FUCA2: variants seen among roughly 807,000 people sequenced by gnomAD.
The protein encoded by FUCA2 is alpha-L-fucosidase 2.
In FUCA2, 41 loss-of-function variants were observed where a neutral mutation model predicts 52.6. The ratio of observed to expected loss-of-function variants is 0.78; its 90% CI spans 0.61 to 1.01. FUCA2 has a LOEUF of 1.01. Ranked by LOEUF, FUCA2 falls within the 50% of genes least tolerant of loss-of-function variation. The probability of loss-of-function intolerance (pLI) is 0.00; values close to 1 mark genes in which losing one functional copy is unlikely to be tolerated. For missense variants in FUCA2, 507 were observed against 569.5 expected, an observed-to-expected ratio of 0.89 and a Z score of 1.12; for synonymous variants, 211 against 217.3, an observed-to-expected ratio of 0.97 and a Z score of 0.26.
chr6:143,497,264 G>A lies in FUCA2; in HGVS notation c.1263+125C>T. 1.5e-6 allele frequency: 1 copy of A among 670,840 alleles called. No homozygotes were observed. The highest frequency in any genetic ancestry group is 2.3e-5 in the Admixed American group (1 of 43,154). 41.6% of individuals were successfully genotyped at this position (670,840 alleles called of 1,614,324 possible). A position where few individuals can be genotyped will look rare whatever the true frequency, so the allele number is the denominator to read the frequency against. On this transcript the variant is annotated intron_variant, in intron 6 of 6. Transcript: ENST00000002165. This position sits in a 1 kb window ranked among gnomAD's most constrained non-coding sequence, Gnocchi z 5.3. ...GTGTGAGCCACAATGCTTGGCTGGA[G>A]CTCATTTACAATTCCTTTTATGAAG...
rs745355753 is a variant in FUCA2 at position 143,502,526 on chromosome 6, T to C, written c.792A>G (p.Gly264=). 1.2e-6 allele frequency: 2 copies of C among 1,614,098 alleles called. No homozygotes were observed. The highest frequency in any genetic ancestry group is 2.2e-5 in the South Asian group (2 of 91,076). Reference sequence around the variant, plus strand: ...CACCATGCTTACAGATGCTACCAGCTCCCCAACGATCATTGGTGACTACTG... The same window carrying C: ...CACCATGCTTACAGATGCTACCAGCCCCCCAACGATCATTGGTGACTACTG... ...RGTVVTNDRW[G]AGSICKHGGF... is the part of the protein sequence containing the mutation. Residue 264 remains glycine, a synonymous_variant, in exon 4 of 7, where the codon GGA becomes GGG. Coordinates refer to ENST00000002165, the MANE Select transcript of FUCA2 (RefSeq NM_032020.5). This position sits in a 1 kb window ranked among gnomAD's most constrained non-coding sequence, Gnocchi z 4.1.
chr6:143,497,388 C>A lies in FUCA2; in HGVS notation c.1263+1G>T, dbSNP rs777994840. ...AGGAATAAGGTAAAATTCCCTCTTA[C>A]CTCTGTTGCCCCCAGAATAGCTTTG... On this transcript the variant is annotated splice_donor_variant, in intron 6 of 6. Coordinates refer to ENST00000002165, the MANE Select transcript of FUCA2 (RefSeq NM_032020.5). LOFTEE classifies it high-confidence loss of function. This position sits in a 1 kb window ranked among gnomAD's most constrained non-coding sequence, Gnocchi z 5.3. 1.9e-6 allele frequency: 3 copies of A among 1,596,552 alleles called. No homozygotes were observed. The highest frequency in any genetic ancestry group is 2.6e-6 in the Non-Finnish European group (3 of 1,164,120).
chr6:143,511,718 C>A lies in FUCA2; in HGVS notation c.-84G>T. On this transcript the variant is annotated 5_prime_UTR_variant, in exon 1 of 7. Transcript: ENST00000002165. The surrounding 1 kb of genome is among the most constrained non-coding windows in gnomAD (Gnocchi z 6.3). ...CTTCCGTCTCTGCCGCTGAGTATGC[C>A]GCGCCGCGGTCACCTGACCAAGTCG... 1 of 1,296,634 alleles carries A rather than the reference C, an allele frequency of 7.7e-7. No homozygotes were observed. The highest frequency in any genetic ancestry group is 1.6e-5 in the South Asian group (1 of 63,016). The allele number at this position is 1,296,634 out of a possible 1,614,324, so 80.3% of individuals were successfully genotyped here. A position where few individuals can be genotyped will look rare whatever the true frequency, so the allele number is the denominator to read the frequency against.
chr6:143,499,392 A>T lies in FUCA2; in HGVS notation c.1155-1895T>A, dbSNP rs1019512779. ...AACATGGTGAAACCCCATCTCTACT[A>T]AAAATACAAAAAAATTAGCCAGGCT... On this transcript the variant is annotated intron_variant, in intron 5 of 6. Transcript: ENST00000002165. This position sits in a 1 kb window ranked among gnomAD's most constrained non-coding sequence, Gnocchi z 6.0. Among the ~76,000 whole-genome samples the T allele has an allele frequency of 2.7e-4, 41 of 152,168 alleles. No individual in the cohort carries two copies. The highest frequency in any genetic ancestry group is 9.7e-4 in the African/African-American group (40 of 41,438).
chr6:143,502,847 C>G lies in FUCA2; in HGVS notation c.753-282G>C, dbSNP rs145120491. The stretch of plus-strand genomic sequence containing the variant: ...AAAAATAAGTTATGTAAAACATTAG[C>G]CTGGTACCCAGCACATATAGCACTC... On this transcript the variant is annotated intron_variant, in intron 3 of 6. Transcript: ENST00000002165. This position sits in a 1 kb window ranked among gnomAD's most constrained non-coding sequence, Gnocchi z 4.1. 391 of 336,740 alleles carry G rather than the reference C, an allele frequency of 1.2e-3. 2 individuals are homozygous for G. Among genetic ancestry groups the G allele is most frequent in the African/African-American group, 7.6e-3 (367 of 48,122 alleles). 20.9% of individuals were successfully genotyped at this position (336,740 alleles called of 1,614,324 possible). A position where few individuals can be genotyped will look rare whatever the true frequency, so the allele number is the denominator to read the frequency against.
At chr6:143,496,542 T>G (rs1200438498) in intron 6 of FUCA2, 1 of 152,250 alleles carries the variant, frequency 6.6e-6, no homozygotes, top group East Asian at 1.9e-4. Context: ...AGAAATGAAA[T>G]GCAGAAAAGT....
chr6:143,497,344 G>A lies in FUCA2; in HGVS notation c.1263+45C>T. On this transcript the variant is annotated intron_variant, in intron 6 of 6. Transcript: ENST00000002165. The surrounding 1 kb of genome is among the most constrained non-coding windows in gnomAD (Gnocchi z 5.3). Reference sequence around the variant, plus strand: ...TAAAAGTTAATGTTTGCATCAAGATGTTCTAATCAGCAATTTAAAGGAATA... The same window carrying A: ...TAAAAGTTAATGTTTGCATCAAGATATTCTAATCAGCAATTTAAAGGAATA... 8.4e-7 allele frequency: 1 copy of A among 1,195,392 alleles called. No individual in the cohort carries two copies. 74.0% of individuals were successfully genotyped at this position (1,195,392 alleles called of 1,614,324 possible).
rs770304902 is a variant in FUCA2, at chr6:143,511,435, G to C, written c.200C>G (p.Pro67Arg). The C allele has an allele frequency of 3.1e-6, 5 of 1,611,828 alleles. No homozygotes were observed. Among genetic ancestry groups the C allele is most frequent in the Non-Finnish European group, 4.2e-6 (5 of 1,178,902 alleles). ...CCAGAACCACTCGCTACCGAAGCTG[G>C]GCACGGAAAACACTCCCCAGTGGAT... ...IFIHWGVFSV[P>R]SFGSEWFWWY... The change falls in exon 1 of 7, where the codon CCC (proline) becomes CGC (arginine). Residue 67 changes from proline to arginine, a missense_variant. Transcript: ENST00000002165. The surrounding 1 kb of genome is among the most constrained non-coding windows in gnomAD (Gnocchi z 6.3).
At position 143,499,498 on chromosome 6, in the gene FUCA2, G is replaced by A. The variant is rs868452011; in HGVS notation, c.1155-2001C>T. Reference sequence around the variant, plus strand: ...TTGAACCTGGGAGGTGGAGGTTGCCGTGAGCCAAGATCGCACCAGTGCACT... The same window carrying A: ...TTGAACCTGGGAGGTGGAGGTTGCCATGAGCCAAGATCGCACCAGTGCACT... On this transcript the variant is annotated intron_variant, in intron 5 of 6. Transcript: ENST00000002165. This position sits in a 1 kb window ranked among gnomAD's most constrained non-coding sequence, Gnocchi z 6.0. Among the ~76,000 whole-genome samples, 13 of 152,276 alleles carry A rather than the reference G, an allele frequency of 8.5e-5. No individual in the cohort carries two copies. Among genetic ancestry groups the A allele is most frequent in the Admixed American group, 4.6e-4 (7 of 15,282 alleles).
rs1363159790 is a variant in FUCA2 at position 143,497,651 on chromosome 6, A to T, written c.1155-154T>A. ...AGGAAAAATAGCCTCATGGTGGTAT[A>T]AAAAAACACCTTCCTCCCCCAAGAC... On this transcript the variant is annotated intron_variant, in intron 5 of 6. Coordinates refer to ENST00000002165, the MANE Select transcript of FUCA2 (RefSeq NM_032020.5). This position sits in a 1 kb window ranked among gnomAD's most constrained non-coding sequence, Gnocchi z 5.3. 6.6e-6 allele frequency among the ~76,000 whole-genome samples: 1 copy of T among 152,146 alleles called. No individual in the cohort carries two copies.
Position 143,511,709 on chromosome 6 carries a change from T to G in FUCA2, c.-75A>C. 7.5e-7 allele frequency: 1 copy of G among 1,327,334 alleles called. No homozygotes were observed. The highest frequency in any genetic ancestry group is 9.9e-7 in the Non-Finnish European group (1 of 1,005,892). The allele number at this position is 1,327,334 out of a possible 1,614,324, so 82.2% of individuals were successfully genotyped here. On this transcript the variant is annotated 5_prime_UTR_variant, in exon 1 of 7. Transcript: ENST00000002165. This position sits in a 1 kb window ranked among gnomAD's most constrained non-coding sequence, Gnocchi z 6.3. ...AGCGCTGTTCTTCCGTCTCTGCCGC[T>G]GAGTATGCCGCGCCGCGGTCACCTG...
chr6:143,499,872 C>T lies in FUCA2; in HGVS notation c.1154+2060G>A, dbSNP rs1389042031. Among the ~76,000 whole-genome samples, 3 of 151,986 alleles carry T rather than the reference C, an allele frequency of 2.0e-5. No homozygotes were observed. Among genetic ancestry groups the T allele is most frequent in the East Asian group, 1.9e-4 (1 of 5,194 alleles). ...GCAAGTGAAAACAATCCTTTCAAGA[C>T]GTTTTACTACAAAGGAAAGGAGAGA... On this transcript the variant is annotated intron_variant, in intron 5 of 6. Transcript: ENST00000002165. This position sits in a 1 kb window ranked among gnomAD's most constrained non-coding sequence, Gnocchi z 6.0.
In FUCA2 at chr6:143,499,817, G is replaced by A. The variant is rs1194295192; in HGVS notation, c.1154+2115C>T. On this transcript the variant is annotated intron_variant, in intron 5 of 6. Coordinates refer to ENST00000002165, the MANE Select transcript of FUCA2 (RefSeq NM_032020.5). This position sits in a 1 kb window ranked among gnomAD's most constrained non-coding sequence, Gnocchi z 6.0. ...GGAAGCTCGACCAGAGGGGGTTCAA[G>A]AGAAAAACTGTAGCAAGGAATTAGA... 1.3e-5 allele frequency among the ~76,000 whole-genome samples: 2 copies of A among 152,016 alleles called. No homozygotes were observed. The highest frequency in any genetic ancestry group is 2.9e-5 in the Non-Finnish European group (2 of 68,018).
intron 6 of FUCA2, chr6:143,496,954 T>A (rs1780468587): frequency 2.0e-5 from 3 of 152,798 alleles, no homozygotes; most frequent in Admixed American, 6.5e-5. Context: ...CCAAACACTG[T>A]CATTGGTGAA....
In FUCA2 at chr6:143,511,620, C is replaced by A; in HGVS notation, c.15G>T (p.Glu5Asp). Residue 5 changes from glutamate to aspartate, a missense_variant, in exon 1 of 7, where the codon GAG becomes GAT. Physicochemically the swap from Glu to Asp is conservative, Grantham distance 45. Transcript: ENST00000002165. The surrounding 1 kb of genome is among the most constrained non-coding windows in gnomAD (Gnocchi z 6.3). MRPQ[E>D]LPRLAFPLLL... is the part of the protein sequence containing the mutation. ...GCAACGGGAACGCGAGCCTGGGGAGCTCCTGGGGCCGCATGTCCCGGCGCA... is the reference window on the plus strand; with the variant it reads ...GCAACGGGAACGCGAGCCTGGGGAGATCCTGGGGCCGCATGTCCCGGCGCA... The A allele has an allele frequency of 6.5e-7, 1 of 1,528,820 alleles. No individual in the cohort carries two copies. The highest frequency in any genetic ancestry group is 8.8e-7 in the Non-Finnish European group (1 of 1,137,136). The allele number at this position is 1,528,820 out of a possible 1,614,324, so 94.7% of individuals were successfully genotyped here.
rs1780657774 is a variant in FUCA2 at position 143,509,672 on chromosome 6, T to C, written c.224+1739A>G. On this transcript the variant is annotated intron_variant, in intron 1 of 6. Transcript: ENST00000002165. The surrounding 1 kb of genome is among the most constrained non-coding windows in gnomAD (Gnocchi z 5.4). The stretch of plus-strand genomic sequence containing the variant: ...AAATATTTCCAAAACAAGCTCAAGA[T>C]TCCTTACAGCCCAAAACATGCAAAT... Among the ~76,000 whole-genome samples the C allele has an allele frequency of 6.6e-6, 1 of 152,194 alleles. No individual in the cohort carries two copies. The highest frequency in any genetic ancestry group is 1.9e-4 in the East Asian group (1 of 5,202).
chr6:143,510,012 G>C lies in FUCA2; in HGVS notation c.224+1399C>G, dbSNP rs1045966271. Among the ~76,000 whole-genome samples the C allele has an allele frequency of 1.3e-5, 2 of 152,146 alleles. No homozygotes were observed. Among genetic ancestry groups the C allele is most frequent in the Non-Finnish European group, 2.9e-5 (2 of 68,020 alleles). On this transcript the variant is annotated intron_variant, in intron 1 of 6. Transcript: ENST00000002165. The surrounding 1 kb of genome is among the most constrained non-coding windows in gnomAD (Gnocchi z 4.4). ...AGAAGATGAAATTCCAGTATGAAAGGCACTCTGTACTAGAAGGAAAGGCAA... is the reference window on the plus strand; with the variant it reads ...AGAAGATGAAATTCCAGTATGAAAGCCACTCTGTACTAGAAGGAAAGGCAA...
In FUCA2 at chr6:143,504,112, C is replaced by T. The variant is rs1429109582; in HGVS notation, c.553G>A (p.Glu185Lys). 5.0e-6 allele frequency: 8 copies of T among 1,613,852 alleles called. No homozygotes were observed. In the Admixed American group the frequency reaches 1.3e-4, roughly 27 times the overall value. Reference protein sequence around the residue: ...LRFGLYYSLFEWFHPLFLEDE... With the variant: ...LRFGLYYSLFKWFHPLFLEDE... ...TCAAGGAAGAGCGGATGAAACCATT[C>T]AAAAAGGGAATAGTACAGTCCAAAA... Residue 185 changes from glutamate (E) to lysine (K), a missense_variant, in exon 3 of 7, where the codon GAA becomes AAA. Glu to Lys is a moderately conservative substitution (Grantham distance 56). Coordinates refer to ENST00000002165, the MANE Select transcript of FUCA2 (RefSeq NM_032020.5). This position sits in a 1 kb window ranked among gnomAD's most constrained non-coding sequence, Gnocchi z 4.4.
chr6:143,503,964 G>A lies in FUCA2; in HGVS notation c.701C>T (p.Pro234Leu), dbSNP rs367663563. 7.8e-5 allele frequency: 126 copies of A among 1,614,006 alleles called. No individual in the cohort carries two copies. Among genetic ancestry groups the A allele is most frequent in the Non-Finnish European group, 9.6e-5 (113 of 1,179,988 alleles). Residue 234 changes from proline (P) to leucine (L), a missense_variant, in exon 3 of 7, where the codon CCG becomes CTG. Transcript: ENST00000002165. The surrounding 1 kb of genome is among the most constrained non-coding windows in gnomAD (Gnocchi z 4.8). ...GCCTGTGCTGTTCCAGTATTGATCCGGTGCTCCTCCGTCACCATCCGACCA... is the reference window on the plus strand; with the variant it reads ...GCCTGTGCTGTTCCAGTATTGATCCAGTGCTCCTCCGTCACCATCCGACCA... ...VLWSDGDGGA[P>L]DQYWNSTGFL...
Sources: allele counts gnomAD v4.1 joint callset (sites outside exome capture counted in the v4.1 genomes callset), GRCh38; gene constraint gnomAD v4.1.1; non-coding constraint Gnocchi (gnomAD v3.1); transcripts MANE v1.5; gene names NCBI Gene and HGNC (gene_info 2026-07-23, HGNC 2026-07-21).